DRD2: variants seen among roughly 807,000 people sequenced by gnomAD.
DRD2 encodes dopamine receptor D2.
DRD2 carries 8 observed loss-of-function variants against 38.0 expected under a neutral mutation model. The ratio of observed to expected loss-of-function variants is 0.21; its 90% confidence interval spans 0.12 to 0.38. The LOEUF (loss-of-function observed/expected upper bound fraction) is 0.38, where lower values mean the gene tolerates loss of function less well. Among genes scored for constraint, DRD2 ranks in the 10% least tolerant of loss-of-function variants. The pLI, the probability that DRD2 is intolerant of heterozygous loss-of-function variation, is 1.00. For missense variants in DRD2, 403 were observed against 607.7 expected (o/e 0.66, Z 3.54); for synonymous variants, 230 against 238.6 (o/e 0.96, Z 0.33).
At chr11:113,450,204 G>A (rs1357425814) in intron 1 of DRD2, 1 of 152,368 alleles carries the variant, frequency 6.6e-6, no homozygotes, top group Non-Finnish European at 1.5e-5. Context: ...ATGAAATCCC[G>A]GCAACTAACT....
chr11:113,450,635 C>T (rs1331559706), intron 1 of DRD2, among the ~76,000 whole-genome samples: 3 of 152,228 alleles, frequency 2.0e-5, no homozygotes, highest in African/African-American at 7.2e-5. Flanking sequence ...ACTACATTCT[C>T]ACTCAATCTC....
chr11:113,414,577 G>A lies in DRD2; in HGVS notation c.724-116C>T, dbSNP rs2511521. On this transcript the variant is annotated intron_variant, in intron 5 of 7. Coordinates refer to ENST00000362072, the MANE Select transcript of DRD2 (RefSeq NM_000795.4). ...CTGGGCAGAAGGGCTCAGAGATCAG[G>A]AGGGTGGGGGCCAGAGGAGGCAGTT... The A allele has an allele frequency of 0.7, 737,794 of 1,055,014 alleles. 268,844 individuals carry two copies. Among genetic ancestry groups the A allele is most frequent in the Non-Finnish European group, 0.76 (517,226 of 678,680 alleles). 65.4% of individuals were successfully genotyped at this position (1,055,014 alleles called of 1,614,324 possible).
chr11:113,459,725 G>A (rs536049567), intron 1 of DRD2, among the ~76,000 whole-genome samples: 9 of 152,282 alleles, frequency 5.9e-5, no homozygotes, highest in African/African-American at 2.2e-4. Context: ...TAATAGTATA[G>A]TACAGTGACT....
intron 1 of DRD2, among the ~76,000 whole-genome samples, chr11:113,445,106 C>T (rs1951132597): frequency 6.6e-6 from 1 of 152,156 alleles, no homozygotes; most frequent in African/African-American, 2.4e-5. Context: ...AACACCTGAC[C>T]AGCACTCTTC....
chr11:113,447,968 G>T lies in DRD2; in HGVS notation c.-31-23286C>A, dbSNP rs752167552. 3.3e-5 allele frequency among the ~76,000 whole-genome samples: 5 copies of T among 152,096 alleles called. No individual in the cohort carries two copies. The South Asian group carries it at 1.0e-3, about 32-fold the overall frequency. On this transcript the variant is annotated intron_variant, in intron 1 of 7. Transcript: ENST00000362072. ...CCAGGCCCTCCCTGCTTGTCAGTCT[G>T]GGGACAACTGTCTATTGTGGTTAAA...
intron 1 of DRD2, among the ~76,000 whole-genome samples, chr11:113,455,593 A>G (rs1951261496): frequency 6.6e-6 from 1 of 152,298 alleles, no homozygotes; most frequent in Admixed American, 6.5e-5. Context: ...ATACCAAGAC[A>G]AAAAATAACC....
At chr11:113,437,270 C>T (rs1333671746) in intron 1 of DRD2, among the ~76,000 whole-genome samples, 1 of 152,150 alleles carries the variant, frequency 6.6e-6, no homozygotes, top group Non-Finnish European at 1.5e-5. Flanking sequence ...GTGGATCTGC[C>T]TGCAGAACCC....
intron 1 of DRD2, 145 bp downstream of exon 1, chr11:113,474,931 G>A (rs79872790): frequency 0.064 from 9,780 of 152,290 alleles, 371 homozygotes; most frequent in East Asian, 0.18. Context: ...AGCCCATGCA[G>A]AGCCGGATCC....
chr11:113,462,447 C>T (rs945806538), intron 1 of DRD2, among the ~76,000 whole-genome samples: 4 of 152,122 alleles, frequency 2.6e-5, no homozygotes, highest in Non-Finnish European at 4.4e-5. Context: ...TTATAAGAAG[C>T]AGAGAGGAGA....
chr11:113,444,218 G>C (rs1591292327), intron 1 of DRD2, among the ~76,000 whole-genome samples: 1 of 152,126 alleles, frequency 6.6e-6, no homozygotes. Flanking sequence ...ATGTTTTTTA[G>C]TAGAGACAGG....
In DRD2 at chr11:113,436,572, T is replaced by G. The variant is rs138943023; in HGVS notation, c.-31-11890A>C. ...TCCTTTAGAGATACACACTGAAATA[T>G]TTACAGATGAAATTATATGCTGTCT... On this transcript the variant is annotated intron_variant, in intron 1 of 7. Transcript: ENST00000362072. Among the ~76,000 whole-genome samples, 13 of 152,238 alleles carry G rather than the reference T, an allele frequency of 8.5e-5. No homozygotes were observed. In the East Asian group the frequency reaches 2.5e-3, roughly 29 times the overall value.
chr11:113,451,411 T>C (rs1030158008), intron 1 of DRD2, among the ~76,000 whole-genome samples: 1 of 152,196 alleles, frequency 6.6e-6, no homozygotes, highest in African/African-American at 2.4e-5. Flanking sequence ...AAGTTTTGCA[T>C]CTAATTTAGC....
chr11:113,450,816 AT>A (rs1287532189), intron 1 of DRD2, among the ~76,000 whole-genome samples: 5 of 152,212 alleles, frequency 3.3e-5, no homozygotes, highest in Non-Finnish European at 5.9e-5. Context: ...AAAAATTTAC[AT>A]TGTTAATATT....
At position 113,424,483 on chromosome 11, in the gene DRD2, T is replaced by C. The variant is rs769905247; in HGVS notation, c.169A>G (p.Met57Val). The stretch of plus-strand genomic sequence containing the variant: ...AGCGCCTTCTCGCGGGACACAGCCA[T>C]GCACACCAGCACGTTGCCGAAGACG... ...VIVFGNVLVC[M>V]AVSREKALQT... The change falls in exon 2 of 8, where the codon ATG becomes GTG. Residue 57 changes from methionine to valine, a missense_variant. Physicochemically the swap from Met to Val is conservative, Grantham distance 21. Transcript: ENST00000362072. 1.9e-6 allele frequency: 3 copies of C among 1,614,224 alleles called. No homozygotes were observed. Among genetic ancestry groups the C allele is most frequent in the Admixed American group, 3.3e-5 (2 of 60,026 alleles).
At chr11:113,432,323 T>C (rs867585848) in intron 1 of DRD2, among the ~76,000 whole-genome samples, 5 of 146,002 alleles carry the variant, frequency 3.4e-5, no homozygotes, top group South Asian at 2.2e-4. Context: ...TCTCTCTCTC[T>C]CTCCCTCCCT....
At chr11:113,446,721 G>A (rs1024177728) in intron 1 of DRD2, among the ~76,000 whole-genome samples, 1 of 152,192 alleles carries the variant, frequency 6.6e-6, no homozygotes, top group African/African-American at 2.4e-5. Context: ...TCAATCCCAT[G>A]TCCCCACTGT....
intron 1 of DRD2, among the ~76,000 whole-genome samples, chr11:113,440,760 A>G (rs1951082309): frequency 6.6e-6 from 1 of 152,228 alleles, no homozygotes; most frequent in Non-Finnish European, 1.5e-5. Flanking sequence ...AAGGAGAGAA[A>G]TGGAGAGGGC....
In DRD2 at chr11:113,416,953, A is replaced by G; in HGVS notation, c.442T>C (p.Ser148Pro). 1 of 1,614,096 alleles carries G rather than the reference A, an allele frequency of 6.2e-7. No homozygotes were observed. The highest frequency in any genetic ancestry group is 8.5e-7 in the Non-Finnish European group (1 of 1,179,998). ...MPMLYNTRYSSKRRVTVMISI... is the reference protein window; with the variant it reads ...MPMLYNTRYSPKRRVTVMISI... ...ATCATGACGGTGACCCGGCGCTTGG[A>G]GCTGTAGCGCGTATTGTACAGCATG... is the stretch of plus-strand genomic sequence containing the variant. The change falls in exon 4 of 8, where the codon TCC becomes CCC. Residue 148 changes from serine to proline, a missense_variant. Transcript: ENST00000362072.
At chr11:113,427,719 G>A (rs903257020) in intron 1 of DRD2, among the ~76,000 whole-genome samples, 2 of 152,078 alleles carry the variant, frequency 1.3e-5, no homozygotes, top group Non-Finnish European at 2.9e-5. Context: ...GCACCCCAAG[G>A]GTGCCATAGG....
Sources: gnomAD v4.1 joint callset for allele counts (sites outside exome capture counted in the v4.1 genomes callset) on GRCh38, gnomAD v4.1.1 for gene constraint, MANE v1.5 for transcripts, NCBI Gene and HGNC (gene_info 2026-07-23, HGNC 2026-07-21) for gene names.